The following ZNF678 variants were observed in gnomAD, a reference collection of about 807,000 sequenced individuals.
ZNF678 encodes hypothetical protein MGC42493.
ZNF678 carries 5 observed loss-of-function variants against 3.0 expected under a neutral mutation model. The ratio of observed to expected loss-of-function variants is 1.69; its 90% CI spans 0.88 to 3.56. ZNF678 has a LOEUF of 3.56. ZNF678 is among the 30% of genes most tolerant of loss of function. The pLI, the probability that ZNF678 is intolerant of heterozygous loss-of-function variation, is 0.00. For synonymous variants in ZNF678, 218 were observed against 199.6 expected, an observed-to-expected ratio of 1.09 and a Z score of -0.78; for missense variants, 593 against 605.0, an observed-to-expected ratio of 0.98 and a Z score of 0.21.
chr1:227,592,587 G>T (rs1366527779), intron 1 of ZNF678, among the ~76,000 whole-genome samples: 2 of 152,236 alleles, frequency 1.3e-5, no homozygotes, highest in African/African-American at 4.8e-5. Context: ...GCTGTTGGTT[G>T]TAATAGATGT....
intron 1 of ZNF678, among the ~76,000 whole-genome samples, chr1:227,619,354 C>G (rs1209259815): frequency 6.6e-6 from 1 of 152,024 alleles, no homozygotes; most frequent in Non-Finnish European, 1.5e-5. Context: ...TATGGGAGCC[C>G]CTGATTTATA....
In ZNF678 at chr1:227,674,758, A is replaced by T. The variant is rs528329658; in HGVS notation, c.227-2421A>T. 1.1e-4 allele frequency among the ~76,000 whole-genome samples: 17 copies of T among 151,940 alleles called. No individual in the cohort carries two copies. The South Asian group carries it at 3.5e-3, about 32-fold the overall frequency. ...GCTAGGATTACAGGCGCCTGCCATC[A>T]CGCCCAGCTAATTTTTCTATTTTTA... On this transcript the variant is annotated intron_variant, in intron 5 of 5. Coordinates refer to the ZNF678 transcript ENST00000608949.
At chr1:227,590,746 A>G (rs924735768) in intron 1 of ZNF678, among the ~76,000 whole-genome samples, 1 of 151,772 alleles carries the variant, frequency 6.6e-6, no homozygotes, top group Non-Finnish European at 1.5e-5. Context: ...CATATCCATT[A>G]TAGCCCGGTG....
At chr1:227,600,014 A>G (rs140349106) in intron 1 of ZNF678, among the ~76,000 whole-genome samples, 113 of 152,132 alleles carry the variant, frequency 7.4e-4, no homozygotes, top group African/African-American at 1.9e-3. Context: ...GTTCCCTTCT[A>G]TGTGTCCGTG....
chr1:227,619,752 C>G (rs540117779), intron 1 of ZNF678, among the ~76,000 whole-genome samples: 2 of 151,886 alleles, frequency 1.3e-5, no homozygotes, highest in African/African-American at 4.8e-5. Flanking sequence ...ACCTCATGAT[C>G]CGCCCGCCTT....
chr1:227,678,731 T>G (rs545631773), downstream of ZNF678, among the ~76,000 whole-genome samples: 1 of 152,288 alleles, frequency 6.6e-6, no homozygotes, highest in East Asian at 1.9e-4. Flanking sequence ...CCAGAGAGAT[T>G]TGACAAATTC....
intron 1 of ZNF678, among the ~76,000 whole-genome samples, chr1:227,571,555 C>T (rs777089844): frequency 8.3e-4 from 126 of 152,294 alleles, no homozygotes; most frequent in Non-Finnish European, 1.5e-3. Flanking sequence ...TATGTGTATT[C>T]ACAATTCAAT....
In ZNF678 at chr1:227,659,215, AC is replaced by A. The variant is rs1353293575; in HGVS notation, c.*3388del. ...GAATAATCTTTTCTTCCCCATTGAT[AC>A]TGGAATCTTGGGAAGTTTCTTACTC... On this transcript the variant is annotated 3_prime_UTR_variant, in exon 4 of 4. Coordinates refer to ENST00000343776, the MANE Select transcript of ZNF678 (RefSeq NM_001367909.1). The A allele has an allele frequency of 6.6e-6, 1 of 152,108 alleles. No homozygotes were observed. Among genetic ancestry groups the A allele is most frequent in the Non-Finnish European group, 1.5e-5 (1 of 68,016 alleles). The allele number at this position is 152,108 out of a possible 1,614,324, so 9.4% of individuals were successfully genotyped here. A position where few individuals can be genotyped will look rare whatever the true frequency, so the allele number is the denominator to read the frequency against.
chr1:227,679,407 G>C (rs1002784677), downstream of ZNF678, among the ~76,000 whole-genome samples: 3 of 152,096 alleles, frequency 2.0e-5, no homozygotes, highest in African/African-American at 7.2e-5. Context: ...GGCCTAACTG[G>C]TTATGTTATC....
chr1:227,600,511 T>C (rs1657710982), intron 1 of ZNF678, among the ~76,000 whole-genome samples: 1 of 152,250 alleles, frequency 6.6e-6, no homozygotes, highest in Admixed American at 6.5e-5. Flanking sequence ...TGATATCTCA[T>C]TGTGGTTTTG....
chr1:227,611,587 C>T (rs1364843797), intron 1 of ZNF678, among the ~76,000 whole-genome samples: 1 of 152,256 alleles, frequency 6.6e-6, no homozygotes, highest in Non-Finnish European at 1.5e-5. Flanking sequence ...ATAAGAGCTG[C>T]CCAGTGGTTA....
chr1:227,652,104 G>A (rs1018467550), intron 3 of ZNF678, among the ~76,000 whole-genome samples: 1 of 152,100 alleles, frequency 6.6e-6, no homozygotes, highest in Non-Finnish European at 1.5e-5. Context: ...AATCTTATAT[G>A]TATTCATGAG....
rs950625641 is a variant in ZNF678, at chr1:227,563,636, T to C, written c.-252T>C. ...CAGCTGCGGGAGGCCCTGGTGACTC[T>C]GCTGCTGCAGTGTCTGGTTTCCCTG... On this transcript the variant is annotated 5_prime_UTR_variant, in exon 1 of 4. Transcript: ENST00000343776. 23 of 1,291,496 alleles carry C rather than the reference T, an allele frequency of 1.8e-5. No individual in the cohort carries two copies. In the African/African-American group the frequency reaches 2.9e-4, roughly 16 times the overall value. 80.0% of individuals were successfully genotyped at this position (1,291,496 alleles called of 1,614,324 possible). A position where few individuals can be genotyped will look rare whatever the true frequency, so the allele number is the denominator to read the frequency against.
chr1:227,566,254 T>C (rs1371563876), intron 1 of ZNF678, among the ~76,000 whole-genome samples: 1 of 152,178 alleles, frequency 6.6e-6, no homozygotes, highest in African/African-American at 2.4e-5. Flanking sequence ...GAGAGAAGTC[T>C]TCTGGTACAC....
At chr1:227,566,076 T>C (rs1656677591) in intron 1 of ZNF678, among the ~76,000 whole-genome samples, 1 of 152,198 alleles carries the variant, frequency 6.6e-6, no homozygotes, top group South Asian at 2.1e-4. Flanking sequence ...GCCACTCTTA[T>C]CCTAGTCCTG....
rs1053921278 is a variant in ZNF678, at chr1:227,659,891, A to C, written c.*4063A>C. 7.0e-6 allele frequency: 1 copy of C among 141,960 alleles called. No individual in the cohort carries two copies. Among genetic ancestry groups the C allele is most frequent in the East Asian group, 1.9e-4 (1 of 5,134 alleles). 8.8% of individuals were successfully genotyped at this position (141,960 alleles called of 1,614,324 possible). ...ATGGTCTTGGCACTTAAAAAAAAAA[A>C]AACAATATATTCTCAATAACTGTAT... is the stretch of plus-strand genomic sequence containing the variant. On this transcript the variant is annotated 3_prime_UTR_variant, in exon 4 of 4. Transcript: ENST00000343776.
chr1:227,568,956 C>A (rs1167321426), intron 1 of ZNF678, among the ~76,000 whole-genome samples: 1 of 152,204 alleles, frequency 6.6e-6, no homozygotes, highest in African/African-American at 2.4e-5. Context: ...AAGGGAGGCT[C>A]TGTTCTGTAC....
At chr1:227,566,657 G>T (rs1303347985) in intron 1 of ZNF678, among the ~76,000 whole-genome samples, 2 of 152,094 alleles carry the variant, frequency 1.3e-5, no homozygotes, top group African/African-American at 4.8e-5. Context: ...AAAAAGATTT[G>T]TTCACTTATT....
intron 1 of ZNF678, among the ~76,000 whole-genome samples, chr1:227,589,936 C>T (rs1407508033): frequency 1.3e-5 from 2 of 151,744 alleles, no homozygotes; most frequent in African/African-American, 2.4e-5. Context: ...TTGAGACTCT[C>T]ACTCATTTTA....
Sources: gnomAD v4.1 joint callset for allele counts (sites outside exome capture counted in the v4.1 genomes callset) on GRCh38, gnomAD v4.1.1 for gene constraint, MANE v1.5 for transcripts, NCBI Gene and HGNC (gene_info 2026-07-23, HGNC 2026-07-21) for gene names.